Variants in DLGAP2 observed in about 807,000 individuals in gnomAD.
DLGAP2 encodes disks large-associated protein 2.
A neutral mutation model predicts 100.3 loss-of-function variants in DLGAP2; 26 were observed. That is an observed-to-expected ratio of 0.26 (90% CI 0.19 to 0.36). DLGAP2 has a LOEUF of 0.36. Ranked by LOEUF, DLGAP2 falls within the 10% of genes least tolerant of loss-of-function variation. The pLI is 1.00. For synonymous variants in DLGAP2, 886 were observed against 630.1 expected, an observed-to-expected ratio of 1.41 and a Z score of -6.08; for missense variants, 1,858 against 1,453.2, an observed-to-expected ratio of 1.28 and a Z score of -4.53.
intron 2 of DLGAP2, among the ~76,000 whole-genome samples, chr8:1,075,896 A>G (rs1366462493): frequency 7.3e-6 from 1 of 136,694 alleles, no homozygotes; most frequent in East Asian, 2.1e-4. Flanking sequence ...GGGAGACCTC[A>G]TCTCAAAAAA....
At chr8:1,089,937 G>A (rs188581488) in intron 2 of DLGAP2, among the ~76,000 whole-genome samples, 31 of 152,322 alleles carry the variant, frequency 2.0e-4, no homozygotes, top group African/African-American at 5.8e-4. Flanking sequence ...GATGAAGTCC[G>A]TGACTTTACT....
chr8:802,193 T>TCCACACAC (rs1563039373), intron 1 of DLGAP2, among the ~76,000 whole-genome samples: 9 of 148,076 alleles, frequency 6.1e-5, no homozygotes, highest in African/African-American at 2.0e-4. Flanking sequence ...TGGGGAATGG[T>TCCACACAC]CTGCACTCCT....
chr8:1,355,865 C>T (rs77940851), intron 3 of DLGAP2, among the ~76,000 whole-genome samples: 1 of 152,112 alleles, frequency 6.6e-6, no homozygotes, highest in Non-Finnish European at 1.5e-5. Context: ...TCACTCCTAC[C>T]CTAGGGTCCC....
At chr8:1,410,361 G>GC (rs1796693071) in intron 3 of DLGAP2, among the ~76,000 whole-genome samples, 1 of 152,178 alleles carries the variant, frequency 6.6e-6, no homozygotes, top group African/African-American at 2.4e-5. Flanking sequence ...ACGGTGAGGA[G>GC]CTCCCAGCAG....
At chr8:822,491 T>G (rs559388550) in intron 1 of DLGAP2, among the ~76,000 whole-genome samples, 25 of 152,222 alleles carry the variant, frequency 1.6e-4, no homozygotes, top group South Asian at 1.0e-3. Flanking sequence ...ACAGTGTTTC[T>G]GCTGTTATCA....
At chr8:1,696,289 C>T (rs1332994988) in intron 13 of DLGAP2, among the ~76,000 whole-genome samples, 1 of 152,120 alleles carries the variant, frequency 6.6e-6, no homozygotes, top group Non-Finnish European at 1.5e-5. Context: ...TTGCTTGAGC[C>T]CAGGAGTTTG....
intron 2 of DLGAP2, among the ~76,000 whole-genome samples, chr8:1,226,811 T>C (rs1414727064): frequency 2.6e-5 from 4 of 151,952 alleles, no homozygotes; most frequent in Non-Finnish European, 5.9e-5. Flanking sequence ...TCAAAATCAC[T>C]GAGATACCAC....
At chr8:1,031,504 C>T (rs1284032853) in intron 2 of DLGAP2, among the ~76,000 whole-genome samples, 10 of 152,062 alleles carry the variant, frequency 6.6e-5, no homozygotes, top group South Asian at 2.1e-4. Context: ...CTCAACCTCC[C>T]GGGCTCAAGT....
intron 2 of DLGAP2, among the ~76,000 whole-genome samples, chr8:1,011,494 G>A (rs1801284936): frequency 6.7e-6 from 1 of 149,466 alleles, no homozygotes; most frequent in African/African-American, 2.5e-5. Context: ...GTGGGCCCTG[G>A]AATGAGGGGT....
At chr8:1,564,883 G>A (rs1802335067) in intron 5 of DLGAP2, among the ~76,000 whole-genome samples, 1 of 152,116 alleles carries the variant, frequency 6.6e-6, no homozygotes, top group East Asian at 1.9e-4. Context: ...AACATTCATG[G>A]TTGCTCAGGT....
chr8:768,634 C>G (rs189278622), intron 1 of DLGAP2, among the ~76,000 whole-genome samples: 1,729 of 151,832 alleles, frequency 0.011, 25 homozygotes, highest in African/African-American at 0.04. Flanking sequence ...CCATGTTAGC[C>G]AGGATGGTCT....
intron 3 of DLGAP2, among the ~76,000 whole-genome samples, chr8:1,486,760 C>T (rs1054904949): frequency 6.6e-6 from 1 of 152,230 alleles, no homozygotes; most frequent in South Asian, 2.1e-4. Context: ...GGCAAATATA[C>T]TGCCAGTGGA....
At chr8:1,601,490 G>C (rs1796622577) in intron 6 of DLGAP2, among the ~76,000 whole-genome samples, 1 of 152,174 alleles carries the variant, frequency 6.6e-6, no homozygotes, top group African/African-American at 2.4e-5. Context: ...CCTTCCCCCG[G>C]GTGCTCTGTC....
intron 1 of DLGAP2, among the ~76,000 whole-genome samples, chr8:754,945 T>C (rs368499973): frequency 1.3e-5 from 2 of 152,352 alleles, no homozygotes; most frequent in East Asian, 1.9e-4. Flanking sequence ...TTTGTGATAA[T>C]CTGGATGACT....
chr8:1,521,670 G>A (rs113201827), intron 4 of DLGAP2, among the ~76,000 whole-genome samples: 2 of 31,642 alleles, frequency 6.3e-5, no homozygotes, highest in African/African-American at 1.6e-4. Context: ...TGGAATACTC[G>A]GGCGGCAGGT....
At chr8:1,515,651 CATG>C (rs1800345031) in intron 4 of DLGAP2, among the ~76,000 whole-genome samples, 1 of 151,840 alleles carries the variant, frequency 6.6e-6, no homozygotes, top group African/African-American at 2.4e-5. Context: ...CACATGCAGA[CATG>C]AAATATACAC....
At chr8:1,302,183 A>C (rs1440675936) in intron 3 of DLGAP2, 1 of 151,970 alleles carries the variant, frequency 6.6e-6, no homozygotes, top group African/African-American at 2.4e-5. Flanking sequence ...TCTGCTCCAT[A>C]CCTGGGACCG....
intron 2 of DLGAP2, among the ~76,000 whole-genome samples, chr8:1,104,250 A>G (rs1440939479): frequency 1.3e-5 from 2 of 152,028 alleles, no homozygotes; most frequent in African/African-American, 2.4e-5. Context: ...TGCACTGGAT[A>G]GTGGAGGGAG....
chr8:1,000,630 G>C (rs1800928239), intron 2 of DLGAP2, among the ~76,000 whole-genome samples: 1 of 152,200 alleles, frequency 6.6e-6, no homozygotes, highest in African/African-American at 2.4e-5. Context: ...TATCCTAATT[G>C]CTCTGTTATT....
Sources: allele counts gnomAD v4.1 joint callset (sites outside exome capture counted in the v4.1 genomes callset), GRCh38; gene constraint gnomAD v4.1.1; transcripts MANE v1.5; gene names NCBI Gene and HGNC (gene_info 2026-07-23, HGNC 2026-07-21).